SV2C: variants seen among roughly 807,000 people sequenced by gnomAD.
The protein encoded by SV2C is solute carrier family 22 member B3.
SV2C carries 49 observed loss-of-function variants against 79.7 expected under a neutral mutation model. The observed-to-expected ratio is 0.61, with a 90% CI of 0.49 to 0.78. SV2C has a LOEUF of 0.78. Among genes scored for constraint, SV2C ranks in the 30% least tolerant of loss-of-function variants. The pLI is 0.00. For missense variants in SV2C, 833 were observed against 912.9 expected, an observed-to-expected ratio of 0.91 and a Z score of 1.13; for synonymous variants, 334 against 333.2, an observed-to-expected ratio of 1.00 and a Z score of -0.03.
chr5:76,173,853 T>C, intron 2 of SV2C: 3 of 1,598,636 alleles, frequency 1.9e-6, no homozygotes, highest in African/African-American at 1.3e-5. Context: ...ACAAGAATCA[T>C]TGGAACATCA....
chr5:76,240,142 TTTGGTGGCACCCCTACAGCATAAAA>T (rs1451842778), intron 4 of SV2C, among the ~76,000 whole-genome samples: 6 of 152,204 alleles, frequency 3.9e-5, no homozygotes, highest in African/African-American at 1.2e-4. Flanking sequence ...TACTATTTGT[TTTGGTGGCACCCCTACAGCATAAAA>T]TTGTGGCACG....
the SV2C span, among the ~76,000 whole-genome samples, chr5:76,022,016 A>G: frequency 5.9e-5 from 9 of 152,178 alleles, no homozygotes; most frequent in Non-Finnish European, 1.5e-5. Flanking sequence ...TCCTATAATT[A>G]ACAGAACAAG....
At chr5:76,003,055 G>A in the SV2C span, among the ~76,000 whole-genome samples, 3 of 151,900 alleles carry the variant, frequency 2.0e-5, no homozygotes, top group Non-Finnish European at 2.9e-5. Context: ...GAGTGAGTTC[G>A]CACAAGATCT....
At chr5:75,961,568 T>G in the SV2C span, among the ~76,000 whole-genome samples, 51 of 152,036 alleles carry the variant, frequency 3.4e-4, no homozygotes, top group African/African-American at 1.2e-3. Context: ...TAAAATATGA[T>G]TCATAAATAT....
chr5:76,133,687 C>G (rs752743324), intron 2 of SV2C, among the ~76,000 whole-genome samples: 1 of 152,176 alleles, frequency 6.6e-6, no homozygotes, highest in Non-Finnish European at 1.5e-5. Flanking sequence ...GTTCCACTAT[C>G]AAATGCAGAC....
intron 4 of SV2C, among the ~76,000 whole-genome samples, chr5:76,217,098 C>T (rs548337647): frequency 6.6e-6 from 1 of 152,318 alleles, no homozygotes; most frequent in South Asian, 2.1e-4. Context: ...CACACTGGGC[C>T]TCATCTAGCC....
At chr5:75,885,708 T>G in the SV2C span, among the ~76,000 whole-genome samples, 1 of 152,102 alleles carries the variant, frequency 6.6e-6, no homozygotes, top group Non-Finnish European at 1.5e-5. Flanking sequence ...TGCCACCATG[T>G]CAGCTAACAT....
the SV2C span, among the ~76,000 whole-genome samples, chr5:76,020,190 C>G: frequency 1.3e-5 from 2 of 152,090 alleles, no homozygotes; most frequent in African/African-American, 2.4e-5. Flanking sequence ...ATGGAAGAAG[C>G]TAGATATGGA....
the SV2C span, among the ~76,000 whole-genome samples, chr5:75,998,002 T>C: frequency 5.2e-3 from 791 of 152,162 alleles, 12 homozygotes; most frequent in African/African-American, 0.018. Flanking sequence ...CATGGAATAC[T>C]ATGCAGCCAT....
the SV2C span, among the ~76,000 whole-genome samples, chr5:75,886,127 G>A: frequency 6.6e-6 from 1 of 152,048 alleles, no homozygotes; most frequent in Non-Finnish European, 1.5e-5. Context: ...GCCCCTTTTA[G>A]CTGAGGGCAA....
intron 4 of SV2C, among the ~76,000 whole-genome samples, chr5:76,243,488 AT>A (rs963297776): frequency 6.6e-6 from 1 of 152,084 alleles, no homozygotes; most frequent in Non-Finnish European, 1.5e-5. Flanking sequence ...GGGAAGAGAG[AT>A]TTTTTTAAAA....
chr5:75,928,212 C>T, the SV2C span, among the ~76,000 whole-genome samples: 2 of 152,146 alleles, frequency 1.3e-5, no homozygotes, highest in Admixed American at 6.5e-5. Flanking sequence ...TTCATCACTC[C>T]AAACAGAAAC....
chr5:76,166,856 C>G (rs1377820454), intron 2 of SV2C, among the ~76,000 whole-genome samples: 1 of 152,200 alleles, frequency 6.6e-6, no homozygotes, highest in Non-Finnish European at 1.5e-5. Context: ...ATCCTGTGTT[C>G]AGGATCAAGT....
At chr5:75,854,624 C>T in the SV2C span, among the ~76,000 whole-genome samples, 50 of 152,210 alleles carry the variant, frequency 3.3e-4, no homozygotes, top group South Asian at 0.01. Context: ...AGTCCTCTGT[C>T]AGTTATATAT....
At chr5:76,282,348 C>G (rs1747223529) in intron 4 of SV2C, among the ~76,000 whole-genome samples, 1 of 152,232 alleles carries the variant, frequency 6.6e-6, no homozygotes, top group Non-Finnish European at 1.5e-5. Context: ...TGGGAAGTAA[C>G]AGCCTGGACT....
chr5:75,997,843 A>G, the SV2C span, among the ~76,000 whole-genome samples: 5 of 152,188 alleles, frequency 3.3e-5, no homozygotes, highest in Non-Finnish European at 4.4e-5. Context: ...ATTACGGGGT[A>G]TATACCCAAA....
Position 76,348,274 on chromosome 5 carries a change from C to A in SV2C, c.2001-4856C>A, listed in dbSNP as rs1749580204. Among the ~76,000 whole-genome samples the A allele has an allele frequency of 3.3e-5, 5 of 152,142 alleles. No homozygotes were observed. The South Asian group carries it at 1.0e-3, about 32-fold the overall frequency. ...ATATTCATGGCTTGATACCTCATTT[C>A]TTTTTAGCACTGAATAGCATTCCAC... is the stretch of plus-strand genomic sequence containing the variant. On this transcript the variant is annotated intron_variant, in intron 12 of 12. Transcript: ENST00000322285.
the SV2C span, among the ~76,000 whole-genome samples, chr5:76,007,825 A>G: frequency 6.6e-6 from 1 of 152,148 alleles, no homozygotes; most frequent in South Asian, 2.1e-4. Context: ...CATGTGACTT[A>G]TGGAAATCAG....
chr5:76,146,936 G>C (rs933716435), intron 2 of SV2C, among the ~76,000 whole-genome samples: 1 of 151,806 alleles, frequency 6.6e-6, no homozygotes, highest in African/African-American at 2.4e-5. Context: ...ATGATATTAT[G>C]CCACACACAA....
Sources: gnomAD v4.1 joint callset for allele counts (sites outside exome capture counted in the v4.1 genomes callset) on GRCh38, gnomAD v4.1.1 for gene constraint, MANE v1.5 for transcripts, NCBI Gene and HGNC (gene_info 2026-07-23, HGNC 2026-07-21) for gene names.